Variants in IGFALS observed in about 807,000 individuals in gnomAD.
IGFALS encodes the protein insulin-like growth factor-binding protein complex acid labile subunit.
IGFALS carries 2 observed loss-of-function variants against 2.6 expected under a neutral mutation model. The ratio of observed to expected loss-of-function variants is 0.77; its 90% CI spans 0.32 to 2.44. The LOEUF is 2.44. Among genes scored for constraint, IGFALS ranks in the 30% most tolerant of loss-of-function variants. The pLI, the probability that IGFALS is intolerant of heterozygous loss-of-function variation, is 0.11. For missense variants in IGFALS, 996 were observed against 848.7 expected, an observed-to-expected ratio of 1.17 and a Z score of -2.16; for synonymous variants, 519 against 431.9, an observed-to-expected ratio of 1.20 and a Z score of -2.50.
rs781674073 is a variant in IGFALS at position 1,792,207 on chromosome 16, C to A, written c.211G>T (p.Gly71Ter). The A allele has an allele frequency of 1.9e-6, 3 of 1,610,090 alleles. No individual in the cohort carries two copies. In the South Asian group the frequency reaches 3.3e-5, roughly 18 times the overall value. ...SSRNLTRLPD[G>*]VPGGTQALWL... ...AGGGCTTGGGTGCCGCCCGGGACTCCATCAGGCAGGCGCGTGAGGTTCCTG... is the reference window on the plus strand; with the variant it reads ...AGGGCTTGGGTGCCGCCCGGGACTCAATCAGGCAGGCGCGTGAGGTTCCTG... The change falls in exon 2 of 2, where the codon GGA becomes TGA. Residue 71 changes from glycine to a stop codon, truncating the protein, a stop_gained. Coordinates refer to ENST00000215539, the MANE Select transcript of IGFALS (RefSeq NM_004970.3). LOFTEE classifies it low-confidence loss of function (END_TRUNC).
intron 1 of IGFALS, among the ~76,000 whole-genome samples, chr16:1,793,285 C>T (rs1351740376): frequency 2.0e-5 from 3 of 152,228 alleles, no homozygotes; most frequent in East Asian, 1.9e-4. Flanking sequence ...GGGGTGTGAG[C>T]CAACGTCTCC....
upstream of IGFALS, among the ~76,000 whole-genome samples, chr16:1,794,636 C>T (rs549220196): frequency 3.9e-4 from 59 of 152,326 alleles, no homozygotes; most frequent in African/African-American, 1.3e-3. Context: ...CTCTCTCCCC[C>T]AGGGCCTGAG....
chr16:1,793,324 G>A (rs1446071325), intron 1 of IGFALS, among the ~76,000 whole-genome samples: 9 of 152,190 alleles, frequency 5.9e-5, no homozygotes, highest in East Asian at 5.8e-4. Context: ...AACGCGGGCC[G>A]TGCGGGGCAC....
rs758316085 is a variant in IGFALS at position 1,791,365 on chromosome 16, C to T, written c.1053G>A (p.Gln351=). ...EVLTLDHNQL[Q]EVKAGAFLGL... ...CGAGGAAAGCGCCCGCCTTGACCTC[C>T]TGGAGCTGGTTGTGGTCTAGCGTGA... The change falls in exon 2 of 2, where the codon CAG becomes CAA. Residue 351 remains glutamine, a synonymous_variant. Coordinates refer to ENST00000215539, the MANE Select transcript of IGFALS (RefSeq NM_004970.3). 1.9e-6 allele frequency: 3 copies of T among 1,609,172 alleles called. No homozygotes were observed. The highest frequency in any genetic ancestry group is 3.3e-5 in the Admixed American group (2 of 60,014).
chr16:1,791,517 C>T lies in IGFALS; in HGVS notation c.901G>A (p.Ala301Thr), dbSNP rs1191004777. ...GTGCGGGGCCGCAGGCTGGCGATGGCGTTGTGGGACAGCCGCAGCACACGC... is the reference window on the plus strand; with the variant it reads ...GTGCGGGGCCGCAGGCTGGCGATGGTGTTGTGGGACAGCCGCAGCACACGC... The part of the protein sequence containing the change: ...GLRVLRLSHN[A>T]IASLRPRTFK... Residue 301 changes from alanine to threonine, a missense_variant, in exon 2 of 2, where the codon GCC becomes ACC. Transcript: ENST00000215539. 4.4e-6 allele frequency: 7 copies of T among 1,601,434 alleles called. No homozygotes were observed. The highest frequency in any genetic ancestry group is 1.7e-5 in the Admixed American group (1 of 58,370).
chr16:1,792,326 C>G lies in IGFALS; in HGVS notation c.92G>C (p.Gly31Ala), dbSNP rs761404308. Residue 31 changes from glycine (G) to alanine (A), a missense_variant, in exon 2 of 2, where the codon GGA becomes GCA. Gly to Ala is a moderately conservative substitution (Grantham distance 60). Coordinates refer to ENST00000215539, the MANE Select transcript of IGFALS (RefSeq NM_004970.3). ...TGGGCCCTCGGCTTCCCCCGGCGTTCCGGGGTCTGCTCCCTCCAGGCTGCG... is the reference window on the plus strand; with the variant it reads ...TGGGCCCTCGGCTTCCCCCGGCGTTGCGGGGTCTGCTCCCTCCAGGCTGCG... ...GPRSLEGADP[G>A]TPGEAEGPAC... 7 of 1,595,974 alleles carry G rather than the reference C, an allele frequency of 4.4e-6. No homozygotes were observed. Among genetic ancestry groups the G allele is most frequent in the Non-Finnish European group, 4.2e-6 (5 of 1,177,932 alleles).
At chr16:1,793,918 C>T (rs1897284739), upstream of IGFALS, among the ~76,000 whole-genome samples, 1 of 152,166 alleles carries the variant, frequency 6.6e-6, no homozygotes, top group Non-Finnish European at 1.5e-5. Flanking sequence ...GGCTGACGGC[C>T]AGTGCCCGGG....
At chr16:1,793,367 G>A (rs1459272416) in intron 1 of IGFALS, among the ~76,000 whole-genome samples, 4 of 152,108 alleles carry the variant, frequency 2.6e-5, no homozygotes, top group Admixed American at 1.3e-4. Context: ...TGAAGGGTCC[G>A]GCCTGCACCT....
Position 1,791,545 on chromosome 16 carries a change from G to GC in IGFALS, c.872dup (p.Leu292ProfsTer40). The GC allele has an allele frequency of 6.3e-7, 1 of 1,580,538 alleles. No homozygotes were observed. Among genetic ancestry groups the GC allele is most frequent in the Middle Eastern group, 1.7e-4 (1 of 5,946 alleles). On this transcript the variant is annotated frameshift_variant, in exon 2 of 2. Coordinates refer to ENST00000215539, the MANE Select transcript of IGFALS (RefSeq NM_004970.3). LOFTEE classifies it low-confidence loss of function (END_TRUNC). Reference sequence around the variant, plus strand: ...TGTGGGACAGCCGCAGCACACGCAGGCCCAGCAGACCGGGGAACGTGTCCT... The same window carrying GC: ...TGTGGGACAGCCGCAGCACACGCAGGCCCCAGCAGACCGGGGAACGTGTCCT...
At position 1,791,853 on chromosome 16, in the gene IGFALS, C is replaced by T; in HGVS notation, c.565G>A (p.Ala189Thr). Residue 189 changes from alanine (A) to threonine (T), a missense_variant, in exon 2 of 2, where the codon GCG becomes ACG. Coordinates refer to ENST00000215539, the MANE Select transcript of IGFALS (RefSeq NM_004970.3). ...CGCAGGCTGCCCAGGCCGCGGAACGCCGCATCGGGGAGCACCGCCAGGCTA... is the reference window on the plus strand; with the variant it reads ...CGCAGGCTGCCCAGGCCGCGGAACGTCGCATCGGGGAGCACCGCCAGGCTA... ...WNSLAVLPDAAFRGLGSLREL... is the reference protein window; with the variant it reads ...WNSLAVLPDATFRGLGSLREL... 1 of 1,554,296 alleles carries T rather than the reference C, an allele frequency of 6.4e-7. No homozygotes were observed.
chr16:1,790,795 G>A lies in IGFALS; in HGVS notation c.1623C>T (p.Gly541=), dbSNP rs985185906. 21 of 1,573,734 alleles carry A rather than the reference G, an allele frequency of 1.3e-5. No homozygotes were observed. The highest frequency in any genetic ancestry group is 1.7e-5 in the Non-Finnish European group (20 of 1,161,228). The change falls in exon 2 of 2, where the codon GGC becomes GGT. Residue 541 remains glycine (G), a synonymous_variant. Coordinates refer to ENST00000215539, the MANE Select transcript of IGFALS (RefSeq NM_004970.3). ...LWLEGNPWDC[G]CPLKALRDFA... is the part of the protein sequence containing the mutation. ...AGTCCCGCAGCGCCTTGAGAGGGCA[G>A]CCACAGTCCCAGGGGTTACCCTCCA...
At position 1,792,296 on chromosome 16, in the gene IGFALS, C is replaced by T; in HGVS notation, c.122G>A (p.Cys41Tyr). The change falls in exon 2 of 2, where the codon TGC becomes TAC. Residue 41 changes from cysteine (C) to tyrosine (Y), a missense_variant. Cys to Tyr is a radical substitution (Grantham distance 194). Coordinates refer to ENST00000215539, the MANE Select transcript of IGFALS (RefSeq NM_004970.3). ...GTPGEAEGPA[C>Y]PAACVCSYDD... ...GTAGCTGCAGACACAGGCGGCCGGG[C>T]ACGCTGGGCCCTCGGCTTCCCCCGG... is the stretch of plus-strand genomic sequence containing the variant. The T allele has an allele frequency of 6.3e-7, 1 of 1,598,842 alleles. No individual in the cohort carries two copies.
At chr16:1,792,627 G>C in intron 1 of IGFALS, 1 of 754,922 alleles carries the variant, frequency 1.3e-6, no homozygotes, top group Non-Finnish European at 1.9e-6. Flanking sequence ...CTGCACAGAC[G>C]CTCAGGGCTT....
chr16:1,793,859 G>C, upstream of IGFALS: 1 of 450,656 alleles, frequency 2.2e-6, no homozygotes. Flanking sequence ...AGTGCAGGGG[G>C]TGAGGGAGCT....
chr16:1,791,208 G>T lies in IGFALS; in HGVS notation c.1210C>A (p.His404Asn), dbSNP rs1313824374. 1.9e-6 allele frequency: 3 copies of T among 1,607,736 alleles called. No individual in the cohort carries two copies. The highest frequency in any genetic ancestry group is 2.5e-6 in the Non-Finnish European group (3 of 1,179,884). ...EGSCLGRIRP[H>N]TFTGLSGLRR... ...AGCCCCGAGAGGCCGGTGAAGGTGT[G>T]CGGGCGGATGCGTCCCAGGCAGCTG... Residue 404 changes from histidine (H) to asparagine (N), a missense_variant, in exon 2 of 2, where the codon CAC (histidine) becomes AAC (asparagine). By Grantham distance (68) the His-to-Asn change is moderately conservative. Transcript: ENST00000215539.
chr16:1,792,175 C>G lies in IGFALS; in HGVS notation c.243G>C (p.Leu81=), dbSNP rs775599404. The change falls in exon 2 of 2, where the codon CTG becomes CTC. Residue 81 remains leucine (L), a synonymous_variant. Coordinates refer to ENST00000215539, the MANE Select transcript of IGFALS (RefSeq NM_004970.3). ...GGACGGACGAGAGGTTGTTGCCGTC[C>G]AGCCACAGGGCTTGGGTGCCGCCCG... ...GVPGGTQALW[L]DGNNLSSVPP... 4.3e-6 allele frequency: 7 copies of G among 1,611,304 alleles called. No homozygotes were observed.
Position 1,791,124 on chromosome 16 carries a change from C to A in IGFALS, c.1294G>T (p.Gly432Trp). The change falls in exon 2 of 2, where the codon GGG (glycine) becomes TGG (tryptophan). Residue 432 changes from glycine to tryptophan, a missense_variant. Physicochemically the swap from Gly to Trp is radical, Grantham distance 184 (BLOSUM62 -2). Coordinates refer to ENST00000215539, the MANE Select transcript of IGFALS (RefSeq NM_004970.3). ...TCGAGCTCCAGCAGCTCCGCCAGCC[C>A]CCACAGGCTCTGCTCCTCAATGCCC... Reference protein sequence around the residue: ...LVGIEEQSLWGLAELLELDLT... With the variant: ...LVGIEEQSLWWLAELLELDLT... 6.2e-7 allele frequency: 1 copy of A among 1,603,920 alleles called. No individual in the cohort carries two copies. Among genetic ancestry groups the A allele is most frequent in the Non-Finnish European group, 8.5e-7 (1 of 1,179,628 alleles).
In IGFALS at chr16:1,791,690, CG is replaced by C; in HGVS notation, c.727del (p.Arg243GlyfsTer23). The C allele has an allele frequency of 6.3e-7, 1 of 1,577,820 alleles. No homozygotes were observed. Reference sequence around the variant, plus strand: ...GCGGTCCAGGTAGAGTTTCTGGAGCCGGGGCAGCTGCACGAACACGTTTGCC... The same window carrying C: ...GCGGTCCAGGTAGAGTTTCTGGAGCCGGGCAGCTGCACGAACACGTTTGCC... ...IKANVFVQLP[R>X]LQKLYLDRNL... On this transcript the variant is annotated frameshift_variant, in exon 2 of 2. Transcript: ENST00000215539. LOFTEE classifies it low-confidence loss of function (END_TRUNC).
rs1167707316 is a variant in IGFALS, at chr16:1,791,066, T to A, written c.1352A>T (p.His451Leu). ...LTSNQLTHLP[H>L]RLFQGLGKLE... is the part of the protein sequence containing the mutation. ...CTTGCCCAGGCCCTGGAAGAGGCGG[T>A]GGGGCAGGTGCGTGAGCTGGTTGGA... The change falls in exon 2 of 2, where the codon CAC becomes CTC. Residue 451 changes from histidine to leucine, a missense_variant. Transcript: ENST00000215539. The A allele has an allele frequency of 6.3e-7, 1 of 1,598,666 alleles. No homozygotes were observed. Among genetic ancestry groups the A allele is most frequent in the East Asian group, 2.2e-5 (1 of 44,840 alleles).
Sources: gnomAD v4.1 joint callset for allele counts (sites outside exome capture counted in the v4.1 genomes callset) on GRCh38, gnomAD v4.1.1 for gene constraint, MANE v1.5 for transcripts, NCBI Gene and HGNC (gene_info 2026-07-23, HGNC 2026-07-21) for gene names.